Variants in ZFHX3 observed in about 807,000 individuals in gnomAD.
ZFHX3 encodes the protein zinc finger homeobox protein 3.
ZFHX3 carries 42 observed loss-of-function variants against 279.1 expected under a neutral mutation model. That is an observed-to-expected ratio of 0.15 (90% CI 0.12 to 0.19). The LOEUF (loss-of-function observed/expected upper bound fraction) is 0.19. Ranked by LOEUF, ZFHX3 falls within the 10% of genes least tolerant of loss-of-function variation. ZFHX3 has a pLI of 1.00. For synonymous variants in ZFHX3, 2,293 were observed against 1,957.8 expected (o/e 1.17, Z -4.52); for missense variants, 4,981 against 4,754.0 (o/e 1.05, Z -1.40).
At chr16:73,488,721 G>A (rs933711616) in intron 2 of ZFHX3, among the ~76,000 whole-genome samples, 3 of 152,134 alleles carry the variant, frequency 2.0e-5, no homozygotes, top group Admixed American at 6.6e-5. Context: ...AGCAAAAGTC[G>A]TCTGTCATCC....
intron 1 of ZFHX3, among the ~76,000 whole-genome samples, chr16:73,040,026 T>C (rs901056971): frequency 1.4e-4 from 22 of 152,350 alleles, no homozygotes; most frequent in African/African-American, 5.1e-4. Flanking sequence ...GGGTTGATTA[T>C]GTCTGGGCAG....
intron 1 of ZFHX3, among the ~76,000 whole-genome samples, chr16:73,701,557 A>G (rs2142216932): frequency 6.6e-6 from 1 of 152,294 alleles, no homozygotes; most frequent in South Asian, 2.1e-4. Flanking sequence ...TTTTCTTTTT[A>G]TTATTTCATT....
intron 5 of ZFHX3, among the ~76,000 whole-genome samples, chr16:73,240,487 G>A (rs1312246261): frequency 6.6e-6 from 1 of 152,108 alleles, no homozygotes; most frequent in South Asian, 2.1e-4. Context: ...TCAAAGTCCT[G>A]GGATTACAGG....
intron 1 of ZFHX3, among the ~76,000 whole-genome samples, chr16:73,763,557 G>A (rs1211429005): frequency 6.6e-6 from 1 of 152,028 alleles, no homozygotes; most frequent in East Asian, 1.9e-4. Context: ...GGGGACCCTG[G>A]GCATCTTGGA....
intron 3 of ZFHX3, among the ~76,000 whole-genome samples, chr16:73,369,009 C>T (rs2016576966): frequency 6.6e-6 from 1 of 152,196 alleles, no homozygotes; most frequent in Non-Finnish European, 1.5e-5. Flanking sequence ...GACTTCTCTG[C>T]CTCAGTGTCC....
intron 5 of ZFHX3, among the ~76,000 whole-genome samples, chr16:73,240,497 G>T (rs746056351): frequency 3.3e-5 from 5 of 152,152 alleles, no homozygotes; most frequent in Non-Finnish European, 5.9e-5. Context: ...GGGATTACAG[G>T]TGTGAGCCAC....
At chr16:73,813,718 G>C (rs1014461823) in intron 1 of ZFHX3, 1 of 152,188 alleles carries the variant, frequency 6.6e-6, no homozygotes, top group African/African-American at 2.4e-5. Context: ...CTTGCTAGCC[G>C]TGCCAATGGT....
At chr16:73,353,294 C>T (rs750376404) in intron 3 of ZFHX3, among the ~76,000 whole-genome samples, 9 of 152,142 alleles carry the variant, frequency 5.9e-5, no homozygotes, top group African/African-American at 7.2e-5. Flanking sequence ...TGGTTTTCAC[C>T]GAGTCCCCCT....
chr16:72,997,814 T>C (rs1963349773), intron 1 of ZFHX3, among the ~76,000 whole-genome samples: 1 of 152,162 alleles, frequency 6.6e-6, no homozygotes, highest in African/African-American at 2.4e-5. Context: ...GTGCAGTGGC[T>C]CACAGCTGCA....
At chr16:73,705,573 G>C (rs1007046332) in intron 1 of ZFHX3, among the ~76,000 whole-genome samples, 1 of 152,096 alleles carries the variant, frequency 6.6e-6, no homozygotes, top group Non-Finnish European at 1.5e-5. Flanking sequence ...TTTCTGTGGT[G>C]TTGCATCTTC....
At chr16:73,174,438 C>T (rs1347647376) in intron 5 of ZFHX3, among the ~76,000 whole-genome samples, 1 of 152,142 alleles carries the variant, frequency 6.6e-6, no homozygotes, top group Non-Finnish European at 1.5e-5. Flanking sequence ...TATTCCGCGA[C>T]TCTCTCTCTT....
At chr16:73,132,913 G>A (rs867060005) in intron 6 of ZFHX3, among the ~76,000 whole-genome samples, 5 of 152,208 alleles carry the variant, frequency 3.3e-5, no homozygotes, top group African/African-American at 1.2e-4. Context: ...TCTCCTGGTC[G>A]GTTTGGCCGA....
At chr16:72,912,319 T>C (rs1415423095) in intron 3 of ZFHX3, among the ~76,000 whole-genome samples, 2 of 152,184 alleles carry the variant, frequency 1.3e-5, no homozygotes, top group Non-Finnish European at 2.9e-5. Context: ...TCTCAGATGA[T>C]GCTAATTTGG....
At chr16:73,429,286 G>A (rs974738751) in intron 3 of ZFHX3, among the ~76,000 whole-genome samples, 1 of 152,112 alleles carries the variant, frequency 6.6e-6, no homozygotes, top group Admixed American at 6.5e-5. Context: ...GGGGACAGCT[G>A]CTACTCACCT....
At chr16:73,145,161 G>A (rs1055967928) in intron 5 of ZFHX3, among the ~76,000 whole-genome samples, 6 of 152,110 alleles carry the variant, frequency 3.9e-5, no homozygotes, top group African/African-American at 7.2e-5. Flanking sequence ...GGTTCAACTC[G>A]GGCTTGTTTC....
At chr16:73,366,299 C>G (rs2016526866) in intron 3 of ZFHX3, among the ~76,000 whole-genome samples, 2 of 152,068 alleles carry the variant, frequency 1.3e-5, no homozygotes, top group Admixed American at 6.6e-5. Flanking sequence ...TACTATGTAG[C>G]TATTAATAGA....
chr16:73,372,402 C>T (rs568801298), intron 3 of ZFHX3, among the ~76,000 whole-genome samples: 3 of 152,126 alleles, frequency 2.0e-5, no homozygotes, highest in Admixed American at 6.5e-5. Context: ...CTACTAATTA[C>T]GCAAGTCATT....
chr16:73,506,971 C>T (rs181707828), intron 2 of ZFHX3, among the ~76,000 whole-genome samples: 13 of 152,282 alleles, frequency 8.5e-5, no homozygotes, highest in Admixed American at 2.0e-4. Context: ...GGGCTCCAAC[C>T]TGACCCTTCT....
At chr16:73,877,204 G>GC in intron 1 of ZFHX3, among the ~76,000 whole-genome samples, 1 of 139,750 alleles carries the variant, frequency 7.2e-6, no homozygotes, top group South Asian at 2.6e-4. Context: ...GGTTAGGTCG[G>GC]GGGGGGGTCC....
Sources: allele counts gnomAD v4.1 joint callset (sites outside exome capture counted in the v4.1 genomes callset), GRCh38; gene constraint gnomAD v4.1.1; transcripts MANE v1.5; gene names NCBI Gene and HGNC (gene_info 2026-07-23, HGNC 2026-07-21).